Variants in ZIM3 observed in about 807,000 individuals in gnomAD.
ZIM3 encodes the protein zinc finger imprinted 3.
ZIM3 carries 11 observed loss-of-function variants against 12.9 expected under a neutral mutation model. The observed-to-expected ratio is 0.85, with a 90% CI of 0.54 to 1.41. The LOEUF is 1.41. ZIM3 is among the 40% of genes most tolerant of loss of function. The probability of loss-of-function intolerance (pLI) is 0.00; values close to 1 mark genes in which losing one functional copy is unlikely to be tolerated. For synonymous variants in ZIM3, 205 were observed against 198.5 expected (o/e 1.03, Z -0.28); for missense variants, 604 against 557.2 (o/e 1.08, Z -0.85).
At chr19:57,141,261 C>T (rs1317854069) in intron 2 of ZIM3, among the ~76,000 whole-genome samples, 4 of 151,852 alleles carry the variant, frequency 2.6e-5, no homozygotes, top group Non-Finnish European at 4.4e-5. Flanking sequence ...CGGGCGTGGG[C>T]GTGGTGGCGT....
At chr19:57,141,493 TG>T (rs1460586302) in intron 2 of ZIM3, among the ~76,000 whole-genome samples, 1 of 143,796 alleles carries the variant, frequency 7.0e-6, no homozygotes, top group Non-Finnish European at 1.5e-5. Context: ...TTTTGTTTTT[TG>T]TTTTTGTTTT....
chr19:57,136,741 G>C (rs1458171226), intron 4 of ZIM3, 132 bp downstream of exon 4: 1 of 663,212 alleles, frequency 1.5e-6, no homozygotes, highest in Non-Finnish European at 2.6e-6. Flanking sequence ...TTTCTGAGTG[G>C]AGAAAAATAC....
Position 57,136,959 on chromosome 19 carries a change from G to T in ZIM3, c.155C>A (p.Thr52Asn). 6.2e-7 allele frequency: 1 copy of T among 1,614,130 alleles called. No homozygotes were observed. The highest frequency in any genetic ancestry group is 1.1e-5 in the South Asian group (1 of 91,082). ...SNLVSVGQGE[T>N]TKPDVILRLE... ...CCTCAAGATCACATCGGGTTTGGTG[G>T]TTTCCCCTTGTCCTGTGATGGAAGA... Residue 52 changes from threonine (T) to asparagine (N), a missense_variant, in exon 4 of 5, where the codon ACC becomes AAC. Coordinates refer to ENST00000269834, the MANE Select transcript of ZIM3 (RefSeq NM_052882.1).
chr19:57,141,432 A>G (rs2086913692), intron 2 of ZIM3, among the ~76,000 whole-genome samples: 1 of 150,632 alleles, frequency 6.6e-6, no homozygotes, highest in Non-Finnish European at 1.5e-5. Context: ...CAACAAAACA[A>G]AGATGCTTGA....
At chr19:57,139,808 T>C (rs1191683130) in intron 2 of ZIM3, among the ~76,000 whole-genome samples, 1 of 152,184 alleles carries the variant, frequency 6.6e-6, no homozygotes, top group Non-Finnish European at 1.5e-5. Flanking sequence ...GTAATCTATT[T>C]TCCACAGTCG....
chr19:57,135,586 A>G lies in ZIM3; in HGVS notation c.751T>C (p.Tyr251His), dbSNP rs550266573. 55 of 1,614,002 alleles carry G rather than the reference A, an allele frequency of 3.4e-5. No individual in the cohort carries two copies. Among genetic ancestry groups the G allele is most frequent in the Middle Eastern group, 3.3e-4 (2 of 6,060 alleles). The change falls in exon 5 of 5, where the codon TAT (tyrosine) becomes CAT (histidine). Residue 251 changes from tyrosine (Y) to histidine (H), a missense_variant. Transcript: ENST00000269834. ...GCTTTTCCACATGTCTTACACTGAT[A>G]GGGTTTCTCTTTAGTATGCATTTTC... ...HQKMHTKEKP[Y>H]QCKTCGKAFS...
chr19:57,136,834 C>T (rs1489413724), intron 4 of ZIM3, 39 bp downstream of exon 4: 1 of 1,574,378 alleles, frequency 6.4e-7, no homozygotes, highest in Non-Finnish European at 8.7e-7. Flanking sequence ...AATTGGCTTC[C>T]ATGCACCATT....
rs754470745 is a variant in ZIM3 at position 57,136,037 on chromosome 19, G to A, written c.300C>T (p.Leu100=). 7.4e-6 allele frequency: 12 copies of A among 1,613,938 alleles called. No individual in the cohort carries two copies. Among genetic ancestry groups the A allele is most frequent in the Admixed American group, 3.3e-5 (2 of 59,978 alleles). The part of the protein sequence containing the change: ...IWKPKDVKES[L]AREVPSINKE... ...TATTGATTGATGGGACTTCTCTTGC[G>A]AGACTCTCTTTCACATCCTTTGGCT... The change falls in exon 5 of 5, where the codon CTC becomes CTT. Residue 100 remains leucine, a synonymous_variant. Transcript: ENST00000269834.
chr19:57,136,109 C>A lies in ZIM3; in HGVS notation c.242-14G>T, dbSNP rs1568458272. ...CCCCATTTTTTTCTAAAATGGAATACAAAAAAATGTCCTGTGTAAAACGTT... is the reference window on the plus strand; with the variant it reads ...CCCCATTTTTTTCTAAAATGGAATAAAAAAAAATGTCCTGTGTAAAACGTT... On this transcript the variant is annotated splice_polypyrimidine_tract_variant and intron_variant, in intron 4 of 4. Coordinates refer to ENST00000269834, the MANE Select transcript of ZIM3 (RefSeq NM_052882.1). The A allele has an allele frequency of 3.1e-6, 5 of 1,589,654 alleles. No homozygotes were observed. In the Admixed American group the frequency reaches 5.5e-5, roughly 17 times the overall value.
chr19:57,134,950 C>G lies in ZIM3; in HGVS notation c.1387G>C (p.Val463Leu). 6.2e-7 allele frequency: 1 copy of G among 1,613,118 alleles called. No individual in the cohort carries two copies. Among genetic ancestry groups the G allele is most frequent in the Non-Finnish European group, 8.5e-7 (1 of 1,179,514 alleles). ...GAGTGAATTCTTTTCTGGTGCCTAA[C>G]AAGGTATGACCTGTCAGCGAAGGCT... ...GKAFADRSYL[V>L]RHQKRIHSR The change falls in exon 5 of 5, where the codon GTT becomes CTT. Residue 463 changes from valine (V) to leucine (L), a missense_variant. Physicochemically the swap from Val to Leu is conservative, Grantham distance 32. Coordinates refer to ENST00000269834, the MANE Select transcript of ZIM3 (RefSeq NM_052882.1).
At position 57,138,384 on chromosome 19, in the gene ZIM3, T is replaced by C. The variant is rs150486652; in HGVS notation, c.142+88A>G. ...ACATATGCGAAGTGAGGAGCACCTC[T>C]GTGCCAACCCTATTTGGCCAGCCAT... On this transcript the variant is annotated intron_variant, in intron 3 of 4. Coordinates refer to ENST00000269834, the MANE Select transcript of ZIM3 (RefSeq NM_052882.1). The C allele has an allele frequency of 4.2e-5, 67 of 1,585,984 alleles. No homozygotes were observed. The Middle Eastern group carries it at 1.6e-3, about 39-fold the overall frequency.
At chr19:57,139,509 C>T (rs535121315) in intron 2 of ZIM3, among the ~76,000 whole-genome samples, 1 of 151,600 alleles carries the variant, frequency 6.6e-6, no homozygotes, top group Non-Finnish European at 1.5e-5. Context: ...GTGGATCACC[C>T]GGGGTCAGGA....
In ZIM3 at chr19:57,135,713, C is replaced by T. The variant is rs201068723; in HGVS notation, c.624G>A (p.Trp208Ter). ...HSCGRAFGEK[W>*]KLDKHQKTHA... The stretch of plus-strand genomic sequence containing the variant: ...GAGTTTTCTGATGTTTATCAAGCTT[C>T]CACTTCTCCCCGAATGCTCTTCCAC... The change falls in exon 5 of 5, where the codon TGG (tryptophan) becomes TGA (stop). Residue 208 changes from tryptophan (W) to a stop codon, truncating the protein, a stop_gained. Coordinates refer to ENST00000269834, the MANE Select transcript of ZIM3 (RefSeq NM_052882.1). LOFTEE classifies it low-confidence loss of function (END_TRUNC). The T allele has an allele frequency of 1.9e-6, 3 of 1,613,816 alleles. No individual in the cohort carries two copies. Among genetic ancestry groups the T allele is most frequent in the Non-Finnish European group, 2.5e-6 (3 of 1,179,996 alleles).
chr19:57,140,187 G>A (rs771198616), intron 2 of ZIM3, among the ~76,000 whole-genome samples: 5 of 151,878 alleles, frequency 3.3e-5, no homozygotes, highest in East Asian at 3.9e-4. Context: ...TTTTTTTGGC[G>A]GGGAAGGGGA....
rs539722568 is a variant in ZIM3, at chr19:57,134,934, C to A, written c.1403G>T (p.Arg468Ile). The change falls in exon 5 of 5, where the codon AGA (arginine) becomes ATA (isoleucine). Residue 468 changes from arginine to isoleucine, a missense_variant. Physicochemically the swap from Arg to Ile is moderately conservative, Grantham distance 97 (BLOSUM62 -3). Transcript: ENST00000269834. ...ATGGGGCTCCTATCTGGAGTGAATT[C>A]TTTTCTGGTGCCTAACAAGGTATGA... ...DRSYLVRHQK[R>I]IHSR 5.0e-6 allele frequency: 8 copies of A among 1,611,450 alleles called. No homozygotes were observed. In the Admixed American group the frequency reaches 1.3e-4, roughly 27 times the overall value.
At chr19:57,141,456 C>G (rs1040995800) in intron 2 of ZIM3, among the ~76,000 whole-genome samples, 3 of 150,734 alleles carry the variant, frequency 2.0e-5, no homozygotes, top group Non-Finnish European at 3.0e-5. Context: ...GAAACCAGCC[C>G]AGTAATCCCA....
chr19:57,138,066 G>GGAAGGAAA (rs2086897475), intron 3 of ZIM3, among the ~76,000 whole-genome samples: 2 of 102,682 alleles, frequency 1.9e-5, no homozygotes, highest in Admixed American at 1.0e-4. Flanking sequence ...AAGGAAGGAA[G>GGAAGGAAA]GAAGGAAGGA....
intron 3 of ZIM3, 113 bp from the exon 4 acceptor site, chr19:57,137,084 G>T: frequency 3.0e-6 from 3 of 998,504 alleles, no homozygotes; most frequent in Non-Finnish European, 4.7e-6. Context: ...TTGTGTGTGA[G>T]TGTGAGCATT....
intron 3 of ZIM3, among the ~76,000 whole-genome samples, chr19:57,137,180 C>G (rs2086890883): frequency 6.6e-6 from 1 of 152,076 alleles, no homozygotes; most frequent in South Asian, 2.1e-4. Context: ...AGCAGTCGAA[C>G]TAAACAAAGA....
Sources: allele counts gnomAD v4.1 joint callset (sites outside exome capture counted in the v4.1 genomes callset), GRCh38; gene constraint gnomAD v4.1.1; transcripts MANE v1.5; gene names NCBI Gene and HGNC (gene_info 2026-07-23, HGNC 2026-07-21).